SPIDR: variants seen among roughly 807,000 people sequenced by gnomAD.
SPIDR encodes the protein scaffold protein involved in DNA repair.
A neutral mutation model predicts 104.6 loss-of-function variants in SPIDR; 93 were observed. The ratio of observed to expected loss-of-function variants is 0.89; its 90% CI spans 0.75 to 1.06. The LOEUF is 1.06. Ranked by LOEUF, SPIDR falls within the 50% of genes least tolerant of loss-of-function variation. The probability of loss-of-function intolerance (pLI) is 0.00; values close to 1 mark genes in which losing one functional copy is unlikely to be tolerated. For missense variants in SPIDR, 1,154 were observed against 1,111.2 expected, an observed-to-expected ratio of 1.04 and a Z score of -0.55; for synonymous variants, 431 against 416.9, an observed-to-expected ratio of 1.03 and a Z score of -0.41.
intron 8 of SPIDR, among the ~76,000 whole-genome samples, chr8:47,505,541 T>C (rs1474576045): frequency 2.0e-5 from 3 of 152,190 alleles, no homozygotes; most frequent in African/African-American, 7.2e-5. Flanking sequence ...TGTCACCCCT[T>C]TCTTTGACTA....
chr8:47,317,140 G>A (rs939654066), intron 5 of SPIDR, among the ~76,000 whole-genome samples: 3 of 152,162 alleles, frequency 2.0e-5, no homozygotes, highest in East Asian at 1.9e-4. Flanking sequence ...AGCGTGAGCC[G>A]AAGCAGGGCG....
chr8:47,382,195 G>A lies in SPIDR; in HGVS notation c.526-14181G>A, dbSNP rs568107392. ...GTTTTCATCTAGGAGGACCCTACAC[G>A]TGTAGACTGTCATACATGGACTTAG... On this transcript the variant is annotated intron_variant, in intron 5 of 19. Transcript: ENST00000297423. Among the ~76,000 whole-genome samples the A allele has an allele frequency of 5.3e-5, 8 of 152,276 alleles. No individual in the cohort carries two copies. In the South Asian group the frequency reaches 1.2e-3, roughly 24 times the overall value.
chr8:47,620,538 G>C (rs1421800092), intron 10 of SPIDR, among the ~76,000 whole-genome samples: 1 of 151,744 alleles, frequency 6.6e-6, no homozygotes, highest in Non-Finnish European at 1.5e-5. Context: ...AAAGTGCTGG[G>C]ATTACAGGGA....
chr8:47,442,254 T>C (rs559606043), intron 8 of SPIDR, among the ~76,000 whole-genome samples: 1 of 152,336 alleles, frequency 6.6e-6, no homozygotes, highest in South Asian at 2.1e-4. Flanking sequence ...ATCACACTCA[T>C]TCTAGATGAC....
chr8:47,286,506 T>G (rs2038878287), intron 3 of SPIDR, among the ~76,000 whole-genome samples: 1 of 152,316 alleles, frequency 6.6e-6, no homozygotes, highest in African/African-American at 2.4e-5. Flanking sequence ...CCCAGGAGTT[T>G]GGGGCTGCAG....
chr8:47,312,892 T>C (rs2044485658), intron 5 of SPIDR, among the ~76,000 whole-genome samples: 1 of 152,188 alleles, frequency 6.6e-6, no homozygotes, highest in Non-Finnish European at 1.5e-5. Context: ...TTGAATTAAT[T>C]TGTGTATAAG....
chr8:47,410,449 G>A (rs1034328655), intron 7 of SPIDR, among the ~76,000 whole-genome samples: 1 of 151,998 alleles, frequency 6.6e-6, no homozygotes, highest in Non-Finnish European at 1.5e-5. Flanking sequence ...CCAAAGTGCT[G>A]GGATTACAGG....
chr8:47,284,943 G>A (rs1166985220), intron 3 of SPIDR, among the ~76,000 whole-genome samples: 3 of 152,352 alleles, frequency 2.0e-5, no homozygotes, highest in South Asian at 2.1e-4. Flanking sequence ...AGTCAGCCCC[G>A]CTGTGGGTGT....
At chr8:47,697,992 A>G (rs2079600633) in intron 11 of SPIDR, 1 of 152,188 alleles carries the variant, frequency 6.6e-6, no homozygotes, top group Non-Finnish European at 1.5e-5. Flanking sequence ...TTGTTGTCAC[A>G]GATTAATGAC....
intron 8 of SPIDR, among the ~76,000 whole-genome samples, chr8:47,594,804 G>A (rs1243202921): frequency 3.3e-5 from 5 of 152,088 alleles, no homozygotes; most frequent in Middle Eastern, 3.4e-3. Context: ...GACCAATCTG[G>A]CCAACATGGC....
intron 8 of SPIDR, among the ~76,000 whole-genome samples, chr8:47,574,785 G>A (rs1278992716): frequency 6.6e-6 from 1 of 151,622 alleles, no homozygotes; most frequent in East Asian, 1.9e-4. Context: ...GGGGAGGAGA[G>A]GGAAAGTTTT....
chr8:47,373,797 C>G (rs1015676732), intron 5 of SPIDR, among the ~76,000 whole-genome samples: 2 of 152,018 alleles, frequency 1.3e-5, no homozygotes, highest in Non-Finnish European at 1.5e-5. Context: ...TTTAAAATTC[C>G]AAATTAAAAA....
intron 5 of SPIDR, among the ~76,000 whole-genome samples, chr8:47,303,058 G>T (rs879123032): frequency 1.3e-5 from 2 of 152,202 alleles, no homozygotes; most frequent in East Asian, 3.9e-4. Flanking sequence ...GTCTACAGAG[G>T]CAGGCAGGCC....
intron 8 of SPIDR, among the ~76,000 whole-genome samples, chr8:47,485,122 G>A (rs56107210): frequency 0.044 from 6,757 of 152,258 alleles, 201 homozygotes; most frequent in Non-Finnish European, 0.062. Flanking sequence ...GATAGACGAC[G>A]CCTGGAAAAT....
intron 5 of SPIDR, among the ~76,000 whole-genome samples, chr8:47,302,294 A>G (rs1306836736): frequency 1.3e-5 from 2 of 152,128 alleles, no homozygotes; most frequent in Admixed American, 6.6e-5. Context: ...TTTCAGCTCC[A>G]TGAGGTCCTT....
intron 10 of SPIDR, among the ~76,000 whole-genome samples, chr8:47,661,463 G>C (rs2074093267): frequency 6.6e-6 from 1 of 152,196 alleles, no homozygotes; most frequent in Non-Finnish European, 1.5e-5. Flanking sequence ...CTTGGCAGTG[G>C]GTATTCTATG....
At chr8:47,397,574 C>CAAAGCAA (rs1395313053) in intron 6 of SPIDR, among the ~76,000 whole-genome samples, 6 of 152,138 alleles carry the variant, frequency 3.9e-5, no homozygotes, top group African/African-American at 1.4e-4. Context: ...TAGAGCATTT[C>CAAAGCAA]AAAGCAAAGG....
intron 8 of SPIDR, among the ~76,000 whole-genome samples, chr8:47,535,439 CAA>C (rs1284727560): frequency 6.6e-6 from 1 of 151,782 alleles, no homozygotes; most frequent in East Asian, 1.9e-4. Flanking sequence ...AAAAATCAGG[CAA>C]AGACATTATA....
At chr8:47,603,567 T>TC (rs1199981911) in intron 10 of SPIDR, among the ~76,000 whole-genome samples, 1 of 151,474 alleles carries the variant, frequency 6.6e-6, no homozygotes, top group Non-Finnish European at 1.5e-5. Context: ...TAATTTTTTT[T>TC]TTTTTTTTTT....
Sources: gnomAD v4.1 joint callset for allele counts (sites outside exome capture counted in the v4.1 genomes callset) on GRCh38, gnomAD v4.1.1 for gene constraint, MANE v1.5 for transcripts, NCBI Gene and HGNC (gene_info 2026-07-23, HGNC 2026-07-21) for gene names.